The following NRG3 variants were observed in gnomAD, a reference collection of about 807,000 sequenced individuals.
The protein encoded by NRG3 is neuregulin 3, also known as pro-neuregulin-3, membrane-bound isoform.
Under a neutral mutation model 66.9 loss-of-function variants are expected in NRG3, and 31 were observed. That is an observed-to-expected ratio of 0.46 (90% CI 0.35 to 0.63). NRG3 has a LOEUF of 0.63. Among genes scored for constraint, NRG3 ranks in the 20% least tolerant of loss-of-function variants. The probability of loss-of-function intolerance (pLI) is 0.00; values close to 1 mark genes in which losing one functional copy is unlikely to be tolerated. For missense variants in NRG3, 910 were observed against 878.9 expected (o/e 1.04, Z -0.45); for synonymous variants, 393 against 359.4 (o/e 1.09, Z -1.06).
intron 1 of NRG3, among the ~76,000 whole-genome samples, chr10:81,899,575 T>G (rs1255364520): frequency 1.3e-5 from 2 of 152,190 alleles, no homozygotes; most frequent in African/African-American, 4.8e-5. Context: ...TTTCATGTCC[T>G]AATTAAAAGA....
chr10:82,348,860 C>T (rs1024234065), intron 1 of NRG3, among the ~76,000 whole-genome samples: 2 of 150,298 alleles, frequency 1.3e-5, no homozygotes, highest in Non-Finnish European at 3.0e-5. Flanking sequence ...TTGATTGCAT[C>T]GGCTCCTGAG....
intron 2 of NRG3, among the ~76,000 whole-genome samples, chr10:82,718,119 A>G (rs2057086717): frequency 6.6e-6 from 1 of 152,200 alleles, no homozygotes; most frequent in South Asian, 2.1e-4. Flanking sequence ...ATCCACATAT[A>G]CTAGTCTGCT....
chr10:81,905,013 C>T (rs1844448993), intron 1 of NRG3, among the ~76,000 whole-genome samples: 1 of 152,174 alleles, frequency 6.6e-6, no homozygotes, highest in African/African-American at 2.4e-5. Flanking sequence ...TACCAGGCGT[C>T]CAGAACAGGA....
chr10:81,889,895 C>A (rs1440853140), intron 1 of NRG3, among the ~76,000 whole-genome samples: 2 of 152,248 alleles, frequency 1.3e-5, no homozygotes, highest in East Asian at 3.9e-4. Context: ...CTGTGTTTCT[C>A]CTTCATCACT....
intron 3 of NRG3, among the ~76,000 whole-genome samples, chr10:82,822,721 G>T (rs1206676745): frequency 6.6e-6 from 1 of 152,082 alleles, no homozygotes; most frequent in Non-Finnish European, 1.5e-5. Flanking sequence ...TGCCCTGCCT[G>T]GTTTTGTGAG....
At chr10:82,038,490 A>G (rs1182813975) in intron 1 of NRG3, among the ~76,000 whole-genome samples, 3 of 152,296 alleles carry the variant, frequency 2.0e-5, no homozygotes, top group Admixed American at 6.5e-5. Flanking sequence ...GGCAATGCTC[A>G]TAAGTAAGAA....
intron 2 of NRG3, among the ~76,000 whole-genome samples, chr10:82,640,929 G>T (rs1306136752): frequency 6.6e-6 from 1 of 151,628 alleles, no homozygotes; most frequent in Non-Finnish European, 1.5e-5. Flanking sequence ...CGATTTGATA[G>T]GAATTGTTGC....
chr10:82,734,988 C>G (rs576199686), intron 2 of NRG3, among the ~76,000 whole-genome samples: 3 of 117,614 alleles, frequency 2.6e-5, no homozygotes, highest in African/African-American at 9.9e-5. Context: ...GCCTGGACAA[C>G]AGAGTAAGAC....
intron 1 of NRG3, among the ~76,000 whole-genome samples, chr10:81,995,349 C>T (rs1349257659): frequency 3.3e-5 from 5 of 152,190 alleles, no homozygotes; most frequent in African/African-American, 1.2e-4. Context: ...TCCCTGCTTT[C>T]CTGCACTTCT....
At chr10:82,027,475 A>T (rs1246974099) in intron 1 of NRG3, among the ~76,000 whole-genome samples, 1 of 152,112 alleles carries the variant, frequency 6.6e-6, no homozygotes, top group Non-Finnish European at 1.5e-5. Flanking sequence ...AAGGCTTATT[A>T]ACTGAACTCG....
intron 2 of NRG3, among the ~76,000 whole-genome samples, chr10:82,373,429 G>A (rs551397994): frequency 5.3e-5 from 8 of 152,314 alleles, no homozygotes; most frequent in African/African-American, 1.7e-4. Flanking sequence ...AGAGGCCAGT[G>A]TGCTTAGAGC....
At chr10:82,168,223 G>C (rs1460972156) in intron 1 of NRG3, among the ~76,000 whole-genome samples, 1 of 152,000 alleles carries the variant, frequency 6.6e-6, no homozygotes. Context: ...CTAAATGTTT[G>C]TCAACATTTG....
chr10:82,874,627 G>A (rs1375472649), intron 4 of NRG3, among the ~76,000 whole-genome samples: 2 of 152,096 alleles, frequency 1.3e-5, no homozygotes, highest in Admixed American at 1.3e-4. Context: ...AAAAACAAAA[G>A]TTACATGATC....
intron 2 of NRG3, among the ~76,000 whole-genome samples, chr10:82,470,145 T>C (rs1002677511): frequency 1.3e-5 from 2 of 152,304 alleles, no homozygotes; most frequent in South Asian, 2.1e-4. Context: ...CAAGGCACAC[T>C]GTAAAAGAAG....
intron 1 of NRG3, among the ~76,000 whole-genome samples, chr10:82,198,233 A>C (rs1363674763): frequency 6.6e-6 from 1 of 152,206 alleles, no homozygotes; most frequent in African/African-American, 2.4e-5. Flanking sequence ...TCAGATTCCA[A>C]ACGGAAGAAA....
chr10:82,054,441 G>T (rs1232297848), intron 1 of NRG3, among the ~76,000 whole-genome samples: 1 of 152,148 alleles, frequency 6.6e-6, no homozygotes, highest in Non-Finnish European at 1.5e-5. Flanking sequence ...GGAAGAGTAG[G>T]ATTTTTATTA....
At chr10:82,784,537 G>C (rs1277397930) in intron 3 of NRG3, among the ~76,000 whole-genome samples, 1 of 152,140 alleles carries the variant, frequency 6.6e-6, no homozygotes, top group Non-Finnish European at 1.5e-5. Flanking sequence ...ATCAAAAAGT[G>C]GGCAAAGGAT....
At chr10:82,358,990 C>A in intron 2 of NRG3, 122 bp downstream of exon 2, 1 of 1,353,310 alleles carries the variant, frequency 7.4e-7, no homozygotes, top group Non-Finnish European at 1.0e-6. Context: ...GTTTGAATAG[C>A]AGAATTGCGA....
intron 1 of NRG3, among the ~76,000 whole-genome samples, chr10:82,196,353 A>T (rs1281840452): frequency 6.6e-6 from 1 of 152,210 alleles, no homozygotes; most frequent in Non-Finnish European, 1.5e-5. Flanking sequence ...ATGTGCTATG[A>T]ATGGTTTTGT....
Sources: gnomAD v4.1 joint callset for allele counts (sites outside exome capture counted in the v4.1 genomes callset) on GRCh38, gnomAD v4.1.1 for gene constraint, MANE v1.5 for transcripts, NCBI Gene and HGNC (gene_info 2026-07-23, HGNC 2026-07-21) for gene names.